The following FARS2 variants were observed in gnomAD, a reference collection of about 807,000 sequenced individuals.
The protein encoded by FARS2 is phenylalanine--tRNA ligase, mitochondrial.
A neutral mutation model predicts 46.4 loss-of-function variants in FARS2; 40 were observed. The observed-to-expected ratio is 0.86, with a 90% CI of 0.67 to 1.12. The LOEUF is 1.12. Ranked by LOEUF, FARS2 falls within the 50% of genes most tolerant of loss-of-function variation. FARS2 has a pLI of 0.00. For synonymous variants in FARS2, 234 were observed against 214.9 expected, an observed-to-expected ratio of 1.09 and a Z score of -0.78; for missense variants, 513 against 567.9, an observed-to-expected ratio of 0.90 and a Z score of 0.98.
At chr6:5,534,820 CAT>C (rs1190927574) in intron 4 of FARS2, among the ~76,000 whole-genome samples, 1 of 151,984 alleles carries the variant, frequency 6.6e-6, no homozygotes, top group Non-Finnish European at 1.5e-5. Context: ...TATACACACA[CAT>C]GCACGCACAC....
At chr6:5,507,493 T>C (rs913909019) in intron 4 of FARS2, among the ~76,000 whole-genome samples, 1 of 152,228 alleles carries the variant, frequency 6.6e-6, no homozygotes, top group Non-Finnish European at 1.5e-5. Context: ...TTTAGTACTT[T>C]CACTTATGTC....
At chr6:5,250,825 A>G in the FARS2 span, among the ~76,000 whole-genome samples, 4 of 152,260 alleles carry the variant, frequency 2.6e-5, no homozygotes, top group African/African-American at 9.6e-5. Context: ...TGGTATAATA[A>G]AAGAGTGAAA....
chr6:5,286,564 G>GTACTTCTAT (rs1237348004), intron 1 of FARS2, among the ~76,000 whole-genome samples: 1 of 151,992 alleles, frequency 6.6e-6, no homozygotes, highest in Non-Finnish European at 1.5e-5. Context: ...TGACCAATCT[G>GTACTTCTAT]TACTTCTATT....
At chr6:5,374,586 A>G (rs1759260174) in intron 2 of FARS2, among the ~76,000 whole-genome samples, 1 of 152,066 alleles carries the variant, frequency 6.6e-6, no homozygotes, top group African/African-American at 2.4e-5. Context: ...AGTCCTACCA[A>G]GCTCATTTTA....
At chr6:5,299,996 T>C (rs1340235318) in intron 1 of FARS2, among the ~76,000 whole-genome samples, 1 of 152,226 alleles carries the variant, frequency 6.6e-6, no homozygotes, top group Non-Finnish European at 1.5e-5. Context: ...TATTTATATA[T>C]GAGAGCTCTG....
rs568949974 is a variant in FARS2, at chr6:5,334,396, G to A, written c.-21-34154G>A. Reference sequence around the variant, plus strand: ...TCAGAAATTTATTCTAAAAATGCTTGCTTCTGTATGAAAAGACATAAGTAT... The same window carrying A: ...TCAGAAATTTATTCTAAAAATGCTTACTTCTGTATGAAAAGACATAAGTAT... On this transcript the variant is annotated intron_variant, in intron 1 of 6. Transcript: ENST00000274680. Among the ~76,000 whole-genome samples, 38 of 152,304 alleles carry A rather than the reference G, an allele frequency of 2.5e-4. No homozygotes were observed. In the South Asian group the frequency reaches 3.9e-3, roughly 16 times the overall value.
At chr6:5,629,407 A>G (rs11963668) in intron 6 of FARS2, among the ~76,000 whole-genome samples, 8,694 of 152,210 alleles carry the variant, frequency 0.057, 738 homozygotes, top group African/African-American at 0.19. Flanking sequence ...TAGGAATTTG[A>G]TATGGAAGGG....
intron 1 of FARS2, among the ~76,000 whole-genome samples, chr6:5,307,639 A>G (rs1322738809): frequency 6.6e-6 from 1 of 152,272 alleles, no homozygotes; most frequent in Non-Finnish European, 1.5e-5. Context: ...CGTTAACTTG[A>G]TAGGCAGAAA....
chr6:5,272,724 T>A lies in FARS2; in HGVS notation c.-22+11064T>A, dbSNP rs369936165. On this transcript the variant is annotated intron_variant, in intron 1 of 6. Coordinates refer to ENST00000274680, the MANE Select transcript of FARS2 (RefSeq NM_006567.5). ...TGCGATAGATTATTATAATCTATAG[T>A]CTCCCGGTGATCCATCAGACACTAA... 2.8e-4 allele frequency among the ~76,000 whole-genome samples: 43 copies of A among 152,274 alleles called. No individual in the cohort carries two copies. In the South Asian group the frequency reaches 7.9e-3, roughly 28 times the overall value.
chr6:5,599,397 C>T (rs868695869), intron 5 of FARS2, among the ~76,000 whole-genome samples: 5 of 152,272 alleles, frequency 3.3e-5, no homozygotes, highest in Non-Finnish European at 5.9e-5. Context: ...AAATATTTTA[C>T]GTCTGAGAGG....
chr6:5,572,395 A>T (rs910959021), intron 5 of FARS2, among the ~76,000 whole-genome samples: 2 of 152,110 alleles, frequency 1.3e-5, no homozygotes, highest in Admixed American at 6.6e-5. Context: ...GCCATGAAGG[A>T]TCCACCCCCA....
At chr6:5,723,638 G>A (rs1261567831) in intron 6 of FARS2, among the ~76,000 whole-genome samples, 1 of 152,122 alleles carries the variant, frequency 6.6e-6, no homozygotes, top group African/African-American at 2.4e-5. Context: ...TATGTAACTG[G>A]GAAAAACCAA....
rs138729900 is a variant in FARS2 at position 5,737,487 on chromosome 6, T to C, written c.1218-33804T>C. 2.1e-3 allele frequency among the ~76,000 whole-genome samples: 317 copies of C among 152,298 alleles called. 2 individuals are homozygous for C. The highest frequency in any genetic ancestry group is 7.2e-3 in the African/African-American group (298 of 41,570). On this transcript the variant is annotated intron_variant, in intron 6 of 6. Transcript: ENST00000274680. ...CGGAAGTTGCAGTGAGCCAAGATTG[T>C]GCCACTGCAGTCCAGCCTGGGCGAC...
rs58724253 is a variant in FARS2 at position 5,432,350 on chromosome 6, A to T, written c.904+1178A>T. ...AAAATATATATATATATATATATAT[A>T]TTATATATATATAATATATTATATA... is the stretch of plus-strand genomic sequence containing the variant. On this transcript the variant is annotated intron_variant, in intron 4 of 6. Coordinates refer to ENST00000274680, the MANE Select transcript of FARS2 (RefSeq NM_006567.5). Among the ~76,000 whole-genome samples, 279 of 30,830 alleles carry T rather than the reference A, an allele frequency of 9.0e-3. 2 individuals are homozygous for T. Among genetic ancestry groups the T allele is most frequent in the African/African-American group, 0.025 (273 of 10,830 alleles). 20.2% of individuals were successfully genotyped at this position (30,830 alleles called of 152,430 possible). A position where few individuals can be genotyped will look rare whatever the true frequency, so the allele number is the denominator to read the frequency against.
chr6:5,539,384 G>GTGTGTATGTGTATATATATATATATATA, intron 4 of FARS2, among the ~76,000 whole-genome samples: 5 of 79,578 alleles, frequency 6.3e-5, no homozygotes, highest in African/African-American at 2.3e-4. Flanking sequence ...TTTTTTTTGT[G>GTGTGTATGTGTATATATATATATATATA]TATATATATA....
chr6:5,333,309 A>G (rs1047832168), intron 1 of FARS2, among the ~76,000 whole-genome samples: 4 of 152,154 alleles, frequency 2.6e-5, no homozygotes, highest in Non-Finnish European at 5.9e-5. Context: ...CTTGATGACC[A>G]TTTTGCAGAT....
At chr6:5,494,934 T>A (rs1767362352) in intron 4 of FARS2, among the ~76,000 whole-genome samples, 1 of 152,222 alleles carries the variant, frequency 6.6e-6, no homozygotes, top group Non-Finnish European at 1.5e-5. Flanking sequence ...TTCATCCCTT[T>A]CTTTTTGACC....
chr6:5,291,711 T>C (rs1026676212), intron 1 of FARS2, among the ~76,000 whole-genome samples: 40 of 151,934 alleles, frequency 2.6e-4, no homozygotes, highest in Non-Finnish European at 7.4e-5. Context: ...TGAGCTGTGA[T>C]TGAGCCACTG....
intron 5 of FARS2, among the ~76,000 whole-genome samples, chr6:5,552,437 T>C (rs1771423074): frequency 1.3e-5 from 2 of 152,174 alleles, no homozygotes; most frequent in Admixed American, 1.3e-4. Context: ...GGTCTCCTTT[T>C]AGGCCCTCCT....
Sources: allele counts gnomAD v4.1 joint callset (sites outside exome capture counted in the v4.1 genomes callset), GRCh38; gene constraint gnomAD v4.1.1; transcripts MANE v1.5; gene names NCBI Gene and HGNC (gene_info 2026-07-23, HGNC 2026-07-21).